Variants in SLC4A7 observed in about 807,000 individuals in gnomAD.
The protein encoded by SLC4A7 is solute carrier family 4 member 7, also known as sodium bicarbonate cotransporter 3.
SLC4A7 carries 51 observed loss-of-function variants against 137.6 expected under a neutral mutation model. The ratio of observed to expected loss-of-function variants is 0.37; its 90% CI spans 0.30 to 0.47. SLC4A7 has a LOEUF of 0.47. Among genes scored for constraint, SLC4A7 ranks in the 20% least tolerant of loss-of-function variants. SLC4A7 has a pLI of 1.00. For synonymous variants in SLC4A7, 542 were observed against 518.6 expected (o/e 1.05, Z -0.61); for missense variants, 1,247 against 1,525.4 (o/e 0.82, Z 3.04).
chr3:27,399,384 AACAAAAATG>A (rs2052527025), intron 16 of SLC4A7, among the ~76,000 whole-genome samples: 1 of 152,200 alleles, frequency 6.6e-6, no homozygotes. Context: ...CCTCTTCCTT[AACAAAAATG>A]ACTTTTTAAA....
intron 24 of SLC4A7, among the ~76,000 whole-genome samples, chr3:27,381,763 G>A (rs891336094): frequency 2.6e-5 from 4 of 152,110 alleles, no homozygotes; most frequent in Non-Finnish European, 5.9e-5. Context: ...GACTGATTTC[G>A]CTAACTAATC....
chr3:27,422,733 A>C (rs1293149624), intron 8 of SLC4A7: 1 of 453,244 alleles, frequency 2.2e-6, no homozygotes, highest in Non-Finnish European at 4.4e-6. Context: ...ACAAGTCACT[A>C]AACAACCACT....
At chr3:27,456,755 C>T (rs917965010) in intron 1 of SLC4A7, 31 of 1,584,480 alleles carry the variant, frequency 2.0e-5, no homozygotes, top group Non-Finnish European at 2.5e-5. Context: ...GGACAGTGAG[C>T]ACATATCTGA....
intron 2 of SLC4A7, 78 bp downstream of exon 2, chr3:27,452,339 A>C: frequency 1.0e-6 from 1 of 961,286 alleles, no homozygotes; most frequent in Non-Finnish European, 1.5e-6. Context: ...ATACTAGGTA[A>C]AACTTAAAAG....
chr3:27,379,574 T>C (rs1212251288), intron 24 of SLC4A7, among the ~76,000 whole-genome samples: 1 of 152,230 alleles, frequency 6.6e-6, no homozygotes, highest in Non-Finnish European at 1.5e-5. Context: ...GATTTATTTA[T>C]GGAACTTTGC....
chr3:27,378,281 G>A (rs1450633522), intron 25 of SLC4A7, among the ~76,000 whole-genome samples: 7 of 152,174 alleles, frequency 4.6e-5, no homozygotes, highest in Non-Finnish European at 1.0e-4. Flanking sequence ...ATTATTGTCA[G>A]AAGACAGAGC....
intron 1 of SLC4A7, among the ~76,000 whole-genome samples, chr3:27,467,568 G>A (rs1014446562): frequency 6.6e-6 from 1 of 152,140 alleles, no homozygotes; most frequent in Non-Finnish European, 1.5e-5. Context: ...AAGAAAAGAG[G>A]AAGAAGAAAT....
intron 9 of SLC4A7, 73 bp downstream of exon 9, chr3:27,421,549 G>T: frequency 8.8e-7 from 1 of 1,133,060 alleles, no homozygotes; most frequent in Non-Finnish European, 1.3e-6. Flanking sequence ...CAACATGCTT[G>T]TTCATTCGCT....
chr3:27,477,510 G>C (rs2059510244), intron 1 of SLC4A7, among the ~76,000 whole-genome samples: 1 of 152,100 alleles, frequency 6.6e-6, no homozygotes, highest in Admixed American at 6.6e-5. Flanking sequence ...TTCTCATTAG[G>C]CTGGAATAAT....
Position 27,396,374 on chromosome 3 carries a change from A to G in SLC4A7, c.2704-1259T>C, listed in dbSNP as rs2052166205. Among the ~76,000 whole-genome samples the G allele has an allele frequency of 2.0e-5, 3 of 152,192 alleles. No homozygotes were observed. The South Asian group carries it at 6.2e-4, about 32-fold the overall frequency. On this transcript the variant is annotated intron_variant, in intron 18 of 25. Transcript: ENST00000454389. ...TGAAAGCCATATCAGTAAATAAATA[A>G]CAAGGACATATTTAAGAATCAGAAT...
intron 5 of SLC4A7, among the ~76,000 whole-genome samples, chr3:27,434,843 C>G (rs13327052): frequency 0.024 from 3,623 of 152,036 alleles, 159 homozygotes; most frequent in African/African-American, 0.084. Context: ...AAAAAAAACC[C>G]TGGAAGGACC....
chr3:27,402,456 T>C (rs1264981355), intron 15 of SLC4A7, among the ~76,000 whole-genome samples: 1 of 152,158 alleles, frequency 6.6e-6, no homozygotes, highest in South Asian at 2.1e-4. Context: ...TCCCAGCACT[T>C]TGGGAGGCCG....
chr3:27,383,407 T>G (rs1428208652), intron 23 of SLC4A7, among the ~76,000 whole-genome samples, 157 bp from the exon 24 acceptor site: 1 of 152,228 alleles, frequency 6.6e-6, no homozygotes, highest in Non-Finnish European at 1.5e-5. Flanking sequence ...CACATACTTG[T>G]AACATAAAAT....
Position 27,484,273 on chromosome 3 carries a change from G to A in SLC4A7, c.-147C>T. On this transcript the variant is annotated 5_prime_UTR_variant, in exon 1 of 26. Coordinates refer to ENST00000454389, the MANE Select transcript of SLC4A7 (RefSeq NM_001321103.2). ...CGTGCGCGAGGTGTGCGCGCGTGGG[G>A]AGAGCCGGGCGCCGGGCGCGGGAGA... 2 of 567,802 alleles carry A rather than the reference G, an allele frequency of 3.5e-6. No individual in the cohort carries two copies. The highest frequency in any genetic ancestry group is 4.0e-5 in the East Asian group (1 of 25,200). 35.2% of individuals were successfully genotyped at this position (567,802 alleles called of 1,614,324 possible).
intron 13 of SLC4A7, among the ~76,000 whole-genome samples, chr3:27,405,802 A>G (rs1052071127): frequency 6.6e-6 from 1 of 152,150 alleles, no homozygotes. Flanking sequence ...CATAAATGAC[A>G]AAGTATCACT....
In SLC4A7 at chr3:27,474,110, G is replaced by C. The variant is rs548891632; in HGVS notation, c.60+9957C>G. Among the ~76,000 whole-genome samples, 9 of 152,190 alleles carry C rather than the reference G, an allele frequency of 5.9e-5. No individual in the cohort carries two copies. In the South Asian group the frequency reaches 1.5e-3, roughly 25 times the overall value. ...TTCTATACTCTAGAGACTAAATTTTGAAAGTCTAACATTATCAAAAAGATA... is the reference window on the plus strand; with the variant it reads ...TTCTATACTCTAGAGACTAAATTTTCAAAGTCTAACATTATCAAAAAGATA... On this transcript the variant is annotated intron_variant, in intron 1 of 25. Transcript: ENST00000454389.
chr3:27,458,746 C>A (rs557770625), intron 1 of SLC4A7, among the ~76,000 whole-genome samples: 1 of 152,126 alleles, frequency 6.6e-6, no homozygotes, highest in East Asian at 1.9e-4. Flanking sequence ...ATCCTAGGAC[C>A]CTGGGAGGCC....
intron 21 of SLC4A7, among the ~76,000 whole-genome samples, chr3:27,390,516 C>T (rs1340499178): frequency 6.6e-5 from 10 of 152,164 alleles, no homozygotes; most frequent in Non-Finnish European, 1.5e-4. Context: ...CTTGAGATAA[C>T]AATTACAATT....
chr3:27,420,771 A>G lies in SLC4A7; in HGVS notation c.1441T>C (p.Leu481=), dbSNP rs1173435842. The change falls in exon 10 of 26, where the codon TTG becomes CTG. Residue 481 remains leucine (L), a synonymous_variant. Coordinates refer to ENST00000454389, the MANE Select transcript of SLC4A7 (RefSeq NM_001321103.2). ...TGTGGTGCCTTGCCCGCTGGACCCA[A>G]TAACAAAAACAAAAACCTAAGGAAA... is the stretch of plus-strand genomic sequence containing the variant. ...PVPTRFLFLL[L]GPAGKAPQYH... is the part of the protein sequence containing the mutation. 6 of 1,613,138 alleles carry G rather than the reference A, an allele frequency of 3.7e-6. No individual in the cohort carries two copies. Among genetic ancestry groups the G allele is most frequent in the Non-Finnish European group, 5.1e-6 (6 of 1,179,348 alleles).
Sources: allele counts gnomAD v4.1 joint callset (sites outside exome capture counted in the v4.1 genomes callset), GRCh38; gene constraint gnomAD v4.1.1; transcripts MANE v1.5; gene names NCBI Gene and HGNC (gene_info 2026-07-23, HGNC 2026-07-21).